GALNT13: variants seen among roughly 807,000 people sequenced by gnomAD.
GALNT13 encodes the protein polypeptide N-acetylgalactosaminyltransferase 13, also known as UDP-GalNAc:polypeptide N-acetylgalactosaminyltransferase 13.
A neutral mutation model predicts 64.2 loss-of-function variants in GALNT13; 28 were observed. The observed-to-expected ratio is 0.44, with a 90% confidence interval of 0.32 to 0.60. The LOEUF (loss-of-function observed/expected upper bound fraction) is 0.60, where lower values mean the gene tolerates loss of function less well. Ranked by LOEUF, GALNT13 falls within the 20% of genes least tolerant of loss-of-function variation. The pLI is 0.05. For synonymous variants in GALNT13, 214 were observed against 224.6 expected, an observed-to-expected ratio of 0.95 and a Z score of 0.42; for missense variants, 577 against 669.8, an observed-to-expected ratio of 0.86 and a Z score of 1.53.
At chr2:154,312,051 C>A (rs947855596) in intron 9 of GALNT13, among the ~76,000 whole-genome samples, 1 of 140,130 alleles carries the variant, frequency 7.1e-6, no homozygotes, top group Non-Finnish European at 1.6e-5. Context: ...GGTCCTGAGA[C>A]GATATACATC....
the GALNT13 span, among the ~76,000 whole-genome samples, chr2:153,829,077 T>C: frequency 0.049 from 7,491 of 152,252 alleles, 223 homozygotes; most frequent in East Asian, 0.13. Flanking sequence ...CATATCATTA[T>C]GAACATTTTG....
chr2:154,241,948 G>A (rs1477836503), intron 4 of GALNT13, 82 bp from the exon 5 acceptor site: 1 of 772,032 alleles, frequency 1.3e-6, no homozygotes, highest in African/African-American at 1.8e-5. Context: ...GTCTGAAGTT[G>A]TGTTATTATG....
chr2:153,097,122 A>T, the GALNT13 span, among the ~76,000 whole-genome samples: 1 of 152,170 alleles, frequency 6.6e-6, no homozygotes, highest in Non-Finnish European at 1.5e-5. Context: ...AACTGTTTGG[A>T]TAAACAAGCA....
the GALNT13 span, among the ~76,000 whole-genome samples, chr2:153,656,509 T>C: frequency 6.6e-6 from 1 of 152,062 alleles, no homozygotes; most frequent in Non-Finnish European, 1.5e-5. Flanking sequence ...AAACCAACAC[T>C]AGAACTGGAA....
At chr2:153,571,260 C>A in the GALNT13 span, among the ~76,000 whole-genome samples, 1 of 151,690 alleles carries the variant, frequency 6.6e-6, no homozygotes, top group Non-Finnish European at 1.5e-5. Flanking sequence ...TTCAGATTGT[C>A]CACTGTTGGG....
intron 3 of GALNT13, among the ~76,000 whole-genome samples, chr2:154,047,390 C>T (rs936817725): frequency 1.3e-5 from 2 of 152,066 alleles, no homozygotes; most frequent in African/African-American, 4.8e-5. Flanking sequence ...CAGAAACACG[C>T]TTCTTTGATT....
intron 9 of GALNT13, among the ~76,000 whole-genome samples, chr2:154,337,239 A>G (rs1375576287): frequency 6.6e-6 from 1 of 152,108 alleles, no homozygotes; most frequent in Non-Finnish European, 1.5e-5. Context: ...TACCACACCA[A>G]GTAAACTTAA....
intron 1 of GALNT13, among the ~76,000 whole-genome samples, chr2:153,879,064 A>G (rs73005948): frequency 0.085 from 12,914 of 152,082 alleles, 961 homozygotes; most frequent in African/African-American, 0.19. Context: ...ACATTTTCCT[A>G]TGTGATTCTG....
At chr2:153,569,107 T>TG in the GALNT13 span, among the ~76,000 whole-genome samples, 3 of 152,138 alleles carry the variant, frequency 2.0e-5, no homozygotes, top group African/African-American at 7.2e-5. Flanking sequence ...TAGGTTTTTT[T>TG]GGGGGGTACA....
the GALNT13 span, among the ~76,000 whole-genome samples, chr2:153,776,397 G>A: frequency 6.6e-6 from 1 of 152,164 alleles, no homozygotes. Context: ...CCCTTGAAAT[G>A]TGTTCAATAA....
chr2:154,070,760 G>A (rs1971731), intron 3 of GALNT13, among the ~76,000 whole-genome samples: 85,634 of 151,448 alleles, frequency 0.57, 26,013 homozygotes, highest in Middle Eastern at 0.71. Context: ...TCTACTGACA[G>A]TACAAAATTA....
the GALNT13 span, among the ~76,000 whole-genome samples, chr2:153,366,745 A>G: frequency 6.6e-6 from 1 of 150,904 alleles, no homozygotes; most frequent in South Asian, 2.1e-4. Context: ...ACACACACAC[A>G]CACACACACA....
intron 9 of GALNT13, among the ~76,000 whole-genome samples, chr2:154,377,508 A>G (rs1698056877): frequency 6.6e-6 from 1 of 152,196 alleles, no homozygotes; most frequent in African/African-American, 2.4e-5. Flanking sequence ...ACTTCTAAAT[A>G]TAACAATAAA....
chr2:153,665,359 G>T, the GALNT13 span, among the ~76,000 whole-genome samples: 1 of 152,140 alleles, frequency 6.6e-6, no homozygotes, highest in African/African-American at 2.4e-5. Flanking sequence ...AGGGCAAAGA[G>T]AAAGTAGAAT....
chr2:153,700,828 C>A, the GALNT13 span, among the ~76,000 whole-genome samples: 1 of 152,092 alleles, frequency 6.6e-6, no homozygotes, highest in East Asian at 1.9e-4. Flanking sequence ...AACCACTGCT[C>A]AAGGAAATAA....
chr2:154,201,172 G>A (rs906759433), intron 4 of GALNT13, among the ~76,000 whole-genome samples: 4 of 152,068 alleles, frequency 2.6e-5, no homozygotes, highest in African/African-American at 9.7e-5. Context: ...GTTGTCATGT[G>A]TATTAATAAT....
intron 4 of GALNT13, among the ~76,000 whole-genome samples, chr2:154,141,802 A>G (rs1384683757): frequency 6.6e-6 from 1 of 152,186 alleles, no homozygotes; most frequent in East Asian, 1.9e-4. Flanking sequence ...TTATAATTAG[A>G]ATGCTTAATT....
chr2:153,663,312 A>G, the GALNT13 span, among the ~76,000 whole-genome samples: 16 of 152,234 alleles, frequency 1.1e-4, no homozygotes, highest in East Asian at 5.8e-4. Flanking sequence ...GTATAGAATA[A>G]TAACTCTAAT....
the GALNT13 span, among the ~76,000 whole-genome samples, chr2:153,291,045 A>C: frequency 6.6e-6 from 1 of 152,202 alleles, no homozygotes; most frequent in African/African-American, 2.4e-5. Context: ...TAGCAAAAAA[A>C]GAAAATTTGT....
Sources: allele counts gnomAD v4.1 joint callset (sites outside exome capture counted in the v4.1 genomes callset), GRCh38; gene constraint gnomAD v4.1.1; transcripts MANE v1.5; gene names NCBI Gene and HGNC (gene_info 2026-07-23, HGNC 2026-07-21).